The following SEM1 variants were observed in gnomAD, a reference collection of about 807,000 sequenced individuals.
The protein encoded by SEM1 is SEM1 26S proteasome subunit.
A neutral mutation model predicts 12.7 loss-of-function variants in SEM1; 3 were observed. The observed-to-expected ratio is 0.24, with a 90% CI of 0.11 to 0.61. The LOEUF (loss-of-function observed/expected upper bound fraction) is 0.61. Ranked by LOEUF, SEM1 falls within the 20% of genes least tolerant of loss-of-function variation. The pLI, the probability that SEM1 is intolerant of heterozygous loss-of-function variation, is 0.88. For synonymous variants in SEM1, 30 were observed against 27.8 expected, an observed-to-expected ratio of 1.08 and a Z score of -0.25; for missense variants, 59 against 81.3, an observed-to-expected ratio of 0.73 and a Z score of 1.06.
At chr7:96,547,610 G>T (rs1178554542) in intron 2 of SEM1, among the ~76,000 whole-genome samples, 1 of 152,068 alleles carries the variant, frequency 6.6e-6, no homozygotes, top group African/African-American at 2.4e-5. Flanking sequence ...TTTTATAACT[G>T]TTTTCACCAC....
rs545003293 is a variant in SEM1, at chr7:96,554,860, G to C, written c.171-48162C>G. Among the ~76,000 whole-genome samples, 7 of 150,506 alleles carry C rather than the reference G, an allele frequency of 4.7e-5. No individual in the cohort carries two copies. The East Asian group carries it at 1.2e-3, about 25-fold the overall frequency. ...TTTGGTTGGTAAGCTATTGATTATTGCCACAATTTCAGCTCCTGTTTATTG... is the reference window on the plus strand; with the variant it reads ...TTTGGTTGGTAAGCTATTGATTATTCCCACAATTTCAGCTCCTGTTTATTG... On this transcript the variant is annotated intron_variant and NMD_transcript_variant, in intron 2 of 3. Coordinates refer to the SEM1 transcript ENST00000466986.
chr7:96,663,790 G>C (rs1370017010), intron 2 of SEM1, among the ~76,000 whole-genome samples: 1 of 151,934 alleles, frequency 6.6e-6, no homozygotes, highest in African/African-American at 2.4e-5. Context: ...ACACTATAAA[G>C]AATTTCAAGA....
chr7:96,611,266 A>G (rs1238313036), intron 2 of SEM1, among the ~76,000 whole-genome samples: 1 of 152,146 alleles, frequency 6.6e-6, no homozygotes, highest in Non-Finnish European at 1.5e-5. Context: ...GCCCCTGTGC[A>G]TGTAATGTTA....
At chr7:96,558,309 C>G (rs1805591958) in intron 2 of SEM1, 1 of 152,244 alleles carries the variant, frequency 6.6e-6, no homozygotes, top group Non-Finnish European at 1.5e-5. Context: ...ACAGTCTTTG[C>G]CTTCCAGAAG....
intron 2 of SEM1, among the ~76,000 whole-genome samples, chr7:96,506,935 G>A (rs1268865122): frequency 6.6e-6 from 1 of 151,996 alleles, no homozygotes. Flanking sequence ...ATATGAACAG[G>A]AAAGATGCAC....
intron 1 of SEM1, chr7:96,486,492 C>A: frequency 8.4e-7 from 1 of 1,191,192 alleles, no homozygotes; most frequent in East Asian, 2.5e-5. Context: ...ACCTGTTCCA[C>A]CTGGCCCTGT....
At chr7:96,656,832 T>G (rs1229518703) in intron 2 of SEM1, among the ~76,000 whole-genome samples, 1 of 145,292 alleles carries the variant, frequency 6.9e-6, no homozygotes, top group Admixed American at 7.1e-5. Flanking sequence ...GAAGAGTGCA[T>G]GTTAAAAAAT....
rs1789387535 is a variant in SEM1 at position 96,673,920 on chromosome 7, T to C, written c.171-61A>G. 20 of 747,554 alleles carry C rather than the reference T, an allele frequency of 2.7e-5. No individual in the cohort carries two copies. In the South Asian group the frequency reaches 2.8e-4, roughly 10 times the overall value. 46.3% of individuals were successfully genotyped at this position (747,554 alleles called of 1,614,324 possible). On this transcript the variant is annotated intron_variant, in intron 2 of 2. Transcript: ENST00000413065. ...TATCAAGCCACTGTGATCTGTGGGC[T>C]GCTTGACCACAGCATAAGCCTGGCC...
At chr7:96,518,302 T>C (rs1262908044) in intron 2 of SEM1, among the ~76,000 whole-genome samples, 1 of 152,182 alleles carries the variant, frequency 6.6e-6, no homozygotes, top group East Asian at 1.9e-4. Context: ...GCATAAAATA[T>C]AATCAGCCTA....
At chr7:96,709,628 C>G in intron 1 of SEM1, 60 bp downstream of exon 1, 1 of 1,549,446 alleles carries the variant, frequency 6.5e-7, no homozygotes, top group South Asian at 1.1e-5. Flanking sequence ...CCCAAGCTAC[C>G]TCCACACGGA....
At chr7:96,675,645 G>C (rs534214259) in intron 2 of SEM1, among the ~76,000 whole-genome samples, 5 of 152,154 alleles carry the variant, frequency 3.3e-5, no homozygotes, top group Non-Finnish European at 7.3e-5. Context: ...CTAAGTGCCA[G>C]CTCTCACTGT....
At chr7:96,693,761 T>TGTGTGTGTGC (rs1554435678) in intron 2 of SEM1, among the ~76,000 whole-genome samples, 1 of 63,204 alleles carries the variant, frequency 1.6e-5, no homozygotes, top group African/African-American at 1.3e-4. Context: ...CAATTCCACT[T>TGTGTGTGTGC]GTGTGTGTGT....
chr7:96,528,284 C>T (rs938377926), intron 2 of SEM1, among the ~76,000 whole-genome samples: 2 of 152,116 alleles, frequency 1.3e-5, no homozygotes, highest in Admixed American at 1.3e-4. Context: ...ACCTCTGCCT[C>T]CAAGGCTCAA....
intron 2 of SEM1, among the ~76,000 whole-genome samples, chr7:96,578,284 GAA>G (rs11305096): frequency 2.6e-4 from 39 of 148,854 alleles, no homozygotes; most frequent in African/African-American, 5.2e-4. Context: ...TAAGATAAAG[GAA>G]AAAAAAAAAG....
chr7:96,622,776 T>C, intron 2 of SEM1: 1 of 625,672 alleles, frequency 1.6e-6, no homozygotes. Flanking sequence ...GCTAGTCATG[T>C]AATGCATGCA....
At chr7:96,644,736 G>C (rs78563558) in intron 2 of SEM1, among the ~76,000 whole-genome samples, 7,749 of 152,136 alleles carry the variant, frequency 0.051, 244 homozygotes, top group South Asian at 0.09. Context: ...GTTCATCCTG[G>C]ACAGCTTTCC....
intron 2 of SEM1, among the ~76,000 whole-genome samples, chr7:96,582,958 G>A (rs1182181399): frequency 6.6e-6 from 1 of 152,076 alleles, no homozygotes; most frequent in Admixed American, 6.5e-5. Context: ...AGGGTTTTTT[G>A]TGTCTCTATT....
At chr7:96,613,414 T>C (rs1807604177) in intron 2 of SEM1, among the ~76,000 whole-genome samples, 1 of 152,232 alleles carries the variant, frequency 6.6e-6, no homozygotes, top group African/African-American at 2.4e-5. Context: ...AATTCATTTT[T>C]TGAAAATTCT....
chr7:96,516,030 C>T (rs906766045), intron 2 of SEM1, among the ~76,000 whole-genome samples: 1 of 151,530 alleles, frequency 6.6e-6, no homozygotes, highest in African/African-American at 2.4e-5. Context: ...TATAATAATA[C>T]AAAAATCTTT....
Sources: gnomAD v4.1 joint callset for allele counts (sites outside exome capture counted in the v4.1 genomes callset) on GRCh38, gnomAD v4.1.1 for gene constraint, MANE v1.5 for transcripts, NCBI Gene and HGNC (gene_info 2026-07-23, HGNC 2026-07-21) for gene names.